MTCL3: variants seen among roughly 807,000 people sequenced by gnomAD.
MTCL3 encodes microtubule cross-linking factor 3.
At chr6:127,475,174 C>T in the MTCL3 span, 1 of 1,117,932 alleles carries the variant, frequency 8.9e-7, no homozygotes, top group Non-Finnish European at 1.2e-6. The surrounding 1 kb of genome is among the most constrained non-coding windows in gnomAD (Gnocchi z 7.3). Context: ...CAGCGCGGCC[C>T]TGAGCGGGGG....
the MTCL3 span, among the ~76,000 whole-genome samples, chr6:127,483,611 G>A: frequency 6.6e-6 from 1 of 152,106 alleles, no homozygotes; most frequent in Non-Finnish European, 1.5e-5. Context: ...AGAGAAGCTG[G>A]GAATCTGGAT....
chr6:127,488,059 T>C, the MTCL3 span, among the ~76,000 whole-genome samples: 7 of 151,780 alleles, frequency 4.6e-5, no homozygotes, highest in African/African-American at 1.7e-4. Context: ...CCCTTCAACC[T>C]CATCTCCCAC....
chr6:127,475,455 G>A, the MTCL3 span: 4 of 1,613,256 alleles, frequency 2.5e-6, no homozygotes, highest in South Asian at 1.1e-5. The surrounding 1 kb of genome is among the most constrained non-coding windows in gnomAD (Gnocchi z 7.3). Context: ...CGTCCTCCTC[G>A]TCCATGAGTC....
chr6:127,473,518 A>G, the MTCL3 span: 35 of 609,194 alleles, frequency 5.7e-5, no homozygotes, highest in Middle Eastern at 1.5e-3. Context: ...CCTTAAGCCT[A>G]TATCTATAAA....
chr6:127,488,608 A>G, the MTCL3 span, among the ~76,000 whole-genome samples: 1 of 152,244 alleles, frequency 6.6e-6, no homozygotes, highest in South Asian at 2.1e-4. Flanking sequence ...ACAGGTAAAC[A>G]AAAGCCCATT....
the MTCL3 span, among the ~76,000 whole-genome samples, chr6:127,483,763 C>A: frequency 9.8e-5 from 15 of 152,326 alleles, no homozygotes; most frequent in South Asian, 1.4e-3. Flanking sequence ...AGTTCCATTT[C>A]TCACACCAAT....
At chr6:127,503,902 C>T in the MTCL3 span, among the ~76,000 whole-genome samples, 3 of 152,084 alleles carry the variant, frequency 2.0e-5, no homozygotes, top group South Asian at 2.1e-4. Flanking sequence ...CATGAAACAC[C>T]TTGCTTAATT....
At chr6:127,505,933 C>T in the MTCL3 span, among the ~76,000 whole-genome samples, 1 of 151,962 alleles carries the variant, frequency 6.6e-6, no homozygotes, top group East Asian at 1.9e-4. Context: ...GAATTTTATA[C>T]CTATGAAACT....
chr6:127,475,008 C>A, the MTCL3 span, among the ~76,000 whole-genome samples: 2 of 152,242 alleles, frequency 1.3e-5, no homozygotes, highest in Non-Finnish European at 2.9e-5. The surrounding 1 kb of genome is among the most constrained non-coding windows in gnomAD (Gnocchi z 7.3). Context: ...AAATCCGTTA[C>A]TCTTTCCACA....
chr6:127,473,231 C>T, the MTCL3 span: 1 of 1,439,568 alleles, frequency 6.9e-7, no homozygotes, highest in Non-Finnish European at 9.1e-7. Context: ...GAAGGGTGAA[C>T]AAAATAAACA....
At chr6:127,516,171 C>G in the MTCL3 span, 2 of 1,436,272 alleles carry the variant, frequency 1.4e-6, no homozygotes, top group African/African-American at 3.0e-5. Context: ...ACTCTAGCTC[C>G]CGAGGCGGCT....
chr6:127,478,526 G>A, the MTCL3 span, among the ~76,000 whole-genome samples: 1 of 152,216 alleles, frequency 6.6e-6, no homozygotes, highest in African/African-American at 2.4e-5. Flanking sequence ...TCTGTGAGGT[G>A]TTCCAGTGGA....
At chr6:127,482,833 T>C in the MTCL3 span, 1 of 1,067,152 alleles carries the variant, frequency 9.4e-7, no homozygotes, top group East Asian at 2.6e-5. The surrounding 1 kb of genome is among the most constrained non-coding windows in gnomAD (Gnocchi z 4.1). Context: ...CTGGCCATTA[T>C]ATCTATTTAT....
the MTCL3 span, among the ~76,000 whole-genome samples, chr6:127,506,927 C>T: frequency 6.6e-6 from 1 of 152,116 alleles, no homozygotes; most frequent in African/African-American, 2.4e-5. Flanking sequence ...GTGAAGTAAA[C>T]AACACTTCAG....
At chr6:127,490,262 T>C in the MTCL3 span, among the ~76,000 whole-genome samples, 1 of 152,158 alleles carries the variant, frequency 6.6e-6, no homozygotes, top group African/African-American at 2.4e-5. Flanking sequence ...TTTCAAAAGA[T>C]TACTGCTCGT....
At chr6:127,486,205 T>C in the MTCL3 span, among the ~76,000 whole-genome samples, 1 of 152,226 alleles carries the variant, frequency 6.6e-6, no homozygotes, top group African/African-American at 2.4e-5. Flanking sequence ...TTTATTTAAA[T>C]ATCACTCAGG....
At chr6:127,503,881 C>T in the MTCL3 span, among the ~76,000 whole-genome samples, 3 of 151,970 alleles carry the variant, frequency 2.0e-5, no homozygotes, top group African/African-American at 7.2e-5. Flanking sequence ...TTTTTCTCTG[C>T]AAAAATCGGG....
the MTCL3 span, among the ~76,000 whole-genome samples, chr6:127,512,386 G>A: frequency 6.6e-6 from 1 of 152,148 alleles, no homozygotes; most frequent in Admixed American, 6.5e-5. Flanking sequence ...ATAGTCACTG[G>A]TGATATTGCA....
At chr6:127,490,623 C>T in the MTCL3 span, among the ~76,000 whole-genome samples, 2 of 151,872 alleles carry the variant, frequency 1.3e-5, no homozygotes, top group Non-Finnish European at 2.9e-5. Flanking sequence ...TTGAGACAAT[C>T]CTGGCCAACA....
Sources: allele counts gnomAD v4.1 joint callset (sites outside exome capture counted in the v4.1 genomes callset), GRCh38; gene constraint gnomAD v4.1.1; non-coding constraint Gnocchi (gnomAD v3.1); transcripts MANE v1.5; gene names NCBI Gene and HGNC (gene_info 2026-07-23, HGNC 2026-07-21).